The following CSMD2 variants were observed in gnomAD, a reference collection of about 807,000 sequenced individuals.
CSMD2 encodes the protein CUB and Sushi multiple domains 2.
CSMD2 carries 130 observed loss-of-function variants against 398.5 expected under a neutral mutation model. The ratio of observed to expected loss-of-function variants is 0.33; its 90% CI spans 0.28 to 0.38. The LOEUF (loss-of-function observed/expected upper bound fraction) is 0.38. Ranked by LOEUF, CSMD2 falls within the 10% of genes least tolerant of loss-of-function variation. The probability of loss-of-function intolerance (pLI) is 1.00; values close to 1 mark genes in which losing one functional copy is unlikely to be tolerated. For missense variants in CSMD2, 3,829 were observed against 4,764.9 expected (o/e 0.80, Z 5.78); for synonymous variants, 1,828 against 1,908.5 (o/e 0.96, Z 1.10).
chr1:33,572,795 C>T (rs1165874295), intron 49 of CSMD2, 104 bp from the exon 50 acceptor site: 2 of 833,476 alleles, frequency 2.4e-6, no homozygotes, highest in African/African-American at 1.7e-5. Flanking sequence ...TTAGTAAAAA[C>T]TAATTAAAGG....
chr1:33,746,035 A>G (rs2149261660), intron 13 of CSMD2, among the ~76,000 whole-genome samples: 1 of 152,280 alleles, frequency 6.6e-6, no homozygotes, highest in East Asian at 1.9e-4. Flanking sequence ...CTAGAGACCA[A>G]GCTCTTACTA....
At chr1:33,930,374 C>T (rs1644272496) in intron 4 of CSMD2, among the ~76,000 whole-genome samples, 1 of 152,200 alleles carries the variant, frequency 6.6e-6, no homozygotes. Context: ...CTGTCCATAC[C>T]CGACACCACT....
chr1:33,789,273 G>T (rs1211756990), intron 11 of CSMD2, among the ~76,000 whole-genome samples: 1 of 152,168 alleles, frequency 6.6e-6, no homozygotes, highest in African/African-American at 2.4e-5. Flanking sequence ...TTGAAGAAGA[G>T]GGTTTAAGCA....
rs1571315903 is a variant in CSMD2, at chr1:34,163,632, C to T, written c.187+1279G>A. ...CAGGCCAAGCCTTCAGAGGTTCAAT[C>T]GGTGGTTTCAAAACAAAACAAAACA... On this transcript the variant is annotated intron_variant, in intron 1 of 70. Coordinates refer to ENST00000373381, the MANE Select transcript of CSMD2 (RefSeq NM_001281956.2). This position sits in a 1 kb window ranked among gnomAD's most constrained non-coding sequence, Gnocchi z 5.4. Among the ~76,000 whole-genome samples the T allele has an allele frequency of 1.3e-5, 2 of 152,098 alleles. No individual in the cohort carries two copies. The highest frequency in any genetic ancestry group is 4.8e-5 in the African/African-American group (2 of 41,432).
In CSMD2 at chr1:33,537,866, A is replaced by G. The variant is rs1251377555; in HGVS notation, c.9632-257T>C. Among the ~76,000 whole-genome samples, 1 of 152,256 alleles carries G rather than the reference A, an allele frequency of 6.6e-6. No individual in the cohort carries two copies. Among genetic ancestry groups the G allele is most frequent in the Non-Finnish European group, 1.5e-5 (1 of 68,038 alleles). On this transcript the variant is annotated intron_variant, in intron 60 of 70. Coordinates refer to ENST00000373381, the MANE Select transcript of CSMD2 (RefSeq NM_001281956.2). The surrounding 1 kb of genome is among the most constrained non-coding windows in gnomAD (Gnocchi z 4.6). The stretch of plus-strand genomic sequence containing the variant: ...AGTAACATTACAGGAAGTTTAGAAC[A>G]TGAAAGAGAAATAAACGAAAATCCC...
At chr1:33,607,171 C>T (rs534139853) in intron 41 of CSMD2, among the ~76,000 whole-genome samples, 1 of 152,280 alleles carries the variant, frequency 6.6e-6, no homozygotes, top group East Asian at 1.9e-4. Flanking sequence ...AAACAGAACC[C>T]TCCTGAGAAA....
At position 33,724,713 on chromosome 1, in the gene CSMD2, G is replaced by C; in HGVS notation, c.2696-9C>G. 6.2e-7 allele frequency: 1 copy of C among 1,613,146 alleles called. No homozygotes were observed. Among genetic ancestry groups the C allele is most frequent in the Non-Finnish European group, 8.5e-7 (1 of 1,179,378 alleles). The stretch of plus-strand genomic sequence containing the variant: ...TGACTGCAGTGTTATAGCTGAAAGA[G>C]AGAGGCCACAGCTGGGACAGACAGC... On this transcript the variant is annotated splice_polypyrimidine_tract_variant and intron_variant, in intron 17 of 70. Transcript: ENST00000373381.
At chr1:33,568,481 C>T (rs987130282) in intron 52 of CSMD2, among the ~76,000 whole-genome samples, 1 of 152,226 alleles carries the variant, frequency 6.6e-6, no homozygotes, top group Non-Finnish European at 1.5e-5. Context: ...GCCACCACAC[C>T]TAGCCTGGGC....
At chr1:34,019,663 T>C (rs553953329) in intron 3 of CSMD2, among the ~76,000 whole-genome samples, 1 of 152,124 alleles carries the variant, frequency 6.6e-6, no homozygotes, top group Admixed American at 6.5e-5. Context: ...CTGCCCCTGC[T>C]CTCCCCAATG....
intron 22 of CSMD2, 32 bp from the exon 23 acceptor site, chr1:33,700,705 C>T (rs759026375): frequency 4.3e-5 from 69 of 1,612,500 alleles, no homozygotes; most frequent in Admixed American, 1.3e-4. Flanking sequence ...AACCCAATGT[C>T]GTCAGCATGG....
intron 1 of CSMD2, among the ~76,000 whole-genome samples, chr1:34,111,504 G>C (rs991705148): frequency 1.3e-5 from 2 of 152,200 alleles, no homozygotes; most frequent in East Asian, 3.9e-4. Flanking sequence ...GAAGTTGAAG[G>C]AATTTCAGCC....
intron 12 of CSMD2, among the ~76,000 whole-genome samples, chr1:33,788,361 A>G (rs766543109): frequency 1.1e-4 from 16 of 151,930 alleles, no homozygotes; most frequent in Non-Finnish European, 2.4e-4. Flanking sequence ...TACAAAAATT[A>G]GCCAGGCATG....
intron 22 of CSMD2, among the ~76,000 whole-genome samples, chr1:33,705,971 C>T (rs1323206229): frequency 2.0e-5 from 3 of 148,622 alleles, no homozygotes; most frequent in Non-Finnish European, 4.5e-5. Flanking sequence ...TTGACAATTG[C>T]TATTGCTTTT....
intron 13 of CSMD2, among the ~76,000 whole-genome samples, chr1:33,756,848 A>G (rs1435384690): frequency 6.6e-6 from 1 of 152,212 alleles, no homozygotes; most frequent in African/African-American, 2.4e-5. Context: ...CTATAAAGAC[A>G]CATGCACACG....
rs908364109 is a variant in CSMD2 at position 33,600,155 on chromosome 1, T to C, written c.6856+710A>G. The stretch of plus-strand genomic sequence containing the variant: ...TGAAGTCTCAAGTGGGGAAGGGACC[T>C]GTGCAAGGTTTTACACAGCTGGCCC... On this transcript the variant is annotated intron_variant, in intron 44 of 70. Transcript: ENST00000373381. 6 of 715,228 alleles carry C rather than the reference T, an allele frequency of 8.4e-6. No individual in the cohort carries two copies. In the African/African-American group the frequency reaches 1.0e-4, roughly 13 times the overall value. 44.3% of individuals were successfully genotyped at this position (715,228 alleles called of 1,614,324 possible).
At chr1:33,732,479 G>A (rs943913675) in intron 15 of CSMD2, among the ~76,000 whole-genome samples, 3 of 152,168 alleles carry the variant, frequency 2.0e-5, no homozygotes, top group African/African-American at 4.8e-5. Context: ...GAAGACACCA[G>A]GGGTGCATGT....
At chr1:33,966,172 G>A (rs1325252) in intron 3 of CSMD2, among the ~76,000 whole-genome samples, 7,131 of 152,208 alleles carry the variant, frequency 0.047, 258 homozygotes, top group East Asian at 0.17. Flanking sequence ...CCTAATCCAA[G>A]GAGTCCAGCC....
intron 21 of CSMD2, among the ~76,000 whole-genome samples, chr1:33,714,241 C>T (rs746136184): frequency 5.3e-4 from 80 of 152,214 alleles, no homozygotes; most frequent in Non-Finnish European, 8.1e-4. Flanking sequence ...CCAGATTCCT[C>T]GGTAAGAGGC....
intron 3 of CSMD2, among the ~76,000 whole-genome samples, chr1:33,948,825 G>T (rs114341847): frequency 0.012 from 1,786 of 152,282 alleles, 36 homozygotes; most frequent in African/African-American, 0.041. Context: ...AGGTAGATCT[G>T]ACCCTAGAGA....
Sources: allele counts gnomAD v4.1 joint callset (sites outside exome capture counted in the v4.1 genomes callset), GRCh38; gene constraint gnomAD v4.1.1; non-coding constraint Gnocchi (gnomAD v3.1); transcripts MANE v1.5; gene names NCBI Gene and HGNC (gene_info 2026-07-23, HGNC 2026-07-21).